The following GRK6 variants were observed in gnomAD, a reference collection of about 807,000 sequenced individuals.
GRK6 encodes G protein-coupled receptor kinase 6.
In GRK6, 37 loss-of-function variants were observed where a neutral mutation model predicts 80.8. That is an observed-to-expected ratio of 0.46 (90% CI 0.35 to 0.60). The LOEUF is 0.60. GRK6 is among the 20% of genes least tolerant of loss of function. The probability of loss-of-function intolerance (pLI) is 0.00; values close to 1 mark genes in which losing one functional copy is unlikely to be tolerated. For synonymous variants in GRK6, 295 were observed against 320.9 expected (o/e 0.92, Z 0.86); for missense variants, 560 against 784.6 (o/e 0.71, Z 3.42).
chr5:177,431,923 G>A, intron 2 of GRK6, 72 bp from the exon 3 acceptor site: 6 of 1,332,344 alleles, frequency 4.5e-6, no homozygotes, highest in Non-Finnish European at 6.5e-6. Flanking sequence ...CCCAGGGCCT[G>A]GTGGTGTGGG....
At position 177,432,090 on chromosome 5, in the gene GRK6, G is replaced by A. The variant is rs778598612; in HGVS notation, c.244G>A (p.Ala82Thr). ...ATRPELSRCV[A>T]FLDGVAEYEV... Reference sequence around the variant, plus strand: ...GAGGCCGGAGCTGAGCCGCTGCGTCGCCTTCCTGGATGGGGTGGTGAGTGC... The same window carrying A: ...GAGGCCGGAGCTGAGCCGCTGCGTCACCTTCCTGGATGGGGTGGTGAGTGC... The change falls in exon 3 of 16, where the codon GCC becomes ACC. Residue 82 changes from alanine (A) to threonine (T), a missense_variant. This residue lies in a region of GRK6 where 189 missense variants were observed against 230.2 expected (regional missense o/e 0.82). Transcript: ENST00000355472. 6 of 1,611,052 alleles carry A rather than the reference G, an allele frequency of 3.7e-6. No individual in the cohort carries two copies. The highest frequency in any genetic ancestry group is 1.1e-5 in the South Asian group (1 of 90,834).
chr5:177,432,742 G>A lies in GRK6; in HGVS notation c.376G>A (p.Val126Met). ...CATCCCTGAGGTCCCCCGGCAGCTG[G>A]TGACGAACTGCACCCAGCGGCTGGA... ...DLIPEVPRQL[V>M]TNCTQRLEQG... The change falls in exon 5 of 16, where the codon GTG becomes ATG. Residue 126 changes from valine (V) to methionine (M), a missense_variant. Physicochemically the swap from Val to Met is conservative, Grantham distance 21. Coordinates refer to ENST00000355472, the MANE Select transcript of GRK6 (RefSeq NM_001004106.3). 2 of 1,611,970 alleles carry A rather than the reference G, an allele frequency of 1.2e-6. No homozygotes were observed. Among genetic ancestry groups the A allele is most frequent in the Non-Finnish European group, 1.7e-6 (2 of 1,179,248 alleles).
upstream of GRK6, among the ~76,000 whole-genome samples, chr5:177,426,216 A>G (rs576714165): frequency 6.6e-6 from 1 of 152,292 alleles, no homozygotes; most frequent in East Asian, 1.9e-4. Flanking sequence ...CAGGATACGG[A>G]GCGCGTCCCC....
At position 177,442,563 on chromosome 5, in the gene GRK6, C is replaced by T. The variant is rs1757844481; in HGVS notation, c.*773C>T. Reference sequence around the variant, plus strand: ...GCCCCTAGGAGGGGGTGGGGCATCCCTGGTCAACCCTCAAACATTCCGGAC... The same window carrying T: ...GCCCCTAGGAGGGGGTGGGGCATCCTTGGTCAACCCTCAAACATTCCGGAC... On this transcript the variant is annotated 3_prime_UTR_variant, in exon 16 of 16. Coordinates refer to ENST00000355472, the MANE Select transcript of GRK6 (RefSeq NM_001004106.3). 6.5e-6 allele frequency: 1 copy of T among 152,800 alleles called. No individual in the cohort carries two copies. Among genetic ancestry groups the T allele is most frequent in the African/African-American group, 2.4e-5 (1 of 41,472 alleles). The allele number at this position is 152,800 out of a possible 1,614,324, so 9.5% of individuals were successfully genotyped here.
rs753359145 is a variant in GRK6, at chr5:177,441,865, A to T, written c.*75A>T. The T allele has an allele frequency of 7.6e-7, 1 of 1,323,666 alleles. No homozygotes were observed. The highest frequency in any genetic ancestry group is 1.1e-6 in the Non-Finnish European group (1 of 922,636). The allele number at this position is 1,323,666 out of a possible 1,614,324, so 82.0% of individuals were successfully genotyped here. On this transcript the variant is annotated 3_prime_UTR_variant, in exon 16 of 16. Transcript: ENST00000355472. ...GCGCCGTTTACAGTTTTGCACAGTG[A>T]TCTTCCCCATTGTCCACTCAAGTCG...
At chr5:177,430,433 G>C (rs546800773) in intron 1 of GRK6, among the ~76,000 whole-genome samples, 4 of 152,206 alleles carry the variant, frequency 2.6e-5, no homozygotes, top group Non-Finnish European at 5.9e-5. Context: ...TGGTGATAGA[G>C]GCCTGGGAGC....
intron 8 of GRK6, 45 bp downstream of exon 8, chr5:177,433,721 G>T (rs373614602): frequency 6.2e-7 from 1 of 1,604,502 alleles, no homozygotes; most frequent in Non-Finnish European, 8.5e-7. Context: ...CCACACTGGC[G>T]CACCGACCGT....
intron 13 of GRK6, among the ~76,000 whole-genome samples, chr5:177,440,255 G>A (rs1318238193): frequency 2.6e-5 from 4 of 152,206 alleles, no homozygotes; most frequent in Non-Finnish European, 5.9e-5. Context: ...GTGGGAGACC[G>A]TGCCAGTCCT....
Position 177,432,224 on chromosome 5 carries a change from AC to A in GRK6, c.262-6del, listed in dbSNP as rs757659978. ...CAGACCTCCAGCTTCTTTGCTTTCCACCCTGCAGGCCGAGTATGAAGTGACC... is the reference window on the plus strand; with the variant it reads ...CAGACCTCCAGCTTCTTTGCTTTCCACCTGCAGGCCGAGTATGAAGTGACC... On this transcript the variant is annotated splice_region_variant and splice_polypyrimidine_tract_variant and intron_variant, in intron 3 of 15. Transcript: ENST00000355472. 24 of 1,613,474 alleles carry A rather than the reference AC, an allele frequency of 1.5e-5. No homozygotes were observed. Among genetic ancestry groups the A allele is most frequent in the Non-Finnish European group, 2.0e-5 (24 of 1,179,914 alleles).
intron 9 of GRK6, among the ~76,000 whole-genome samples, chr5:177,434,316 ACTTTGTCACCCCTC>A (rs918288600): frequency 6.6e-6 from 1 of 152,022 alleles, no homozygotes; most frequent in African/African-American, 2.4e-5. Flanking sequence ...GGGTATCCTG[ACTTTGTCACCCCTC>A]CACCCCCCAC....
intron 13 of GRK6, among the ~76,000 whole-genome samples, chr5:177,439,108 GT>G (rs1764325072): frequency 6.6e-6 from 1 of 152,228 alleles, no homozygotes; most frequent in African/African-American, 2.4e-5. Context: ...TCCATTCAAA[GT>G]CGGAGATAAA....
intron 13 of GRK6, chr5:177,436,733 C>T (rs1764177251): frequency 3.4e-6 from 2 of 582,728 alleles, no homozygotes; most frequent in Non-Finnish European, 6.0e-6. Context: ...GGGCTTGGAG[C>T]CTCTGACAAT....
At chr5:177,434,988 C>T (rs920292266) in intron 10 of GRK6, 44 bp from the exon 11 acceptor site, 26 of 1,612,910 alleles carry the variant, frequency 1.6e-5, no homozygotes, top group East Asian at 2.2e-5. Context: ...GATGCAGAGG[C>T]CTGGCCTGTT....
intron 9 of GRK6, among the ~76,000 whole-genome samples, 165 bp from the exon 10 acceptor site, chr5:177,434,737 G>GGGCTGTTGCCAGGGAGAGCAGGGCT (rs1764065070): frequency 6.6e-6 from 1 of 152,222 alleles, no homozygotes; most frequent in Non-Finnish European, 1.5e-5. Context: ...CCTTGAGTCC[G>GGGCTGTTGCCAGGGAGAGCAGGGCT]GGCTGTTGCC....
Position 177,436,153 on chromosome 5 carries a change from G to A in GRK6, c.1138G>A (p.Ala380Thr), listed in dbSNP as rs202175190. ...ALGCLLYEMI[A>T]GQSPFQQRKK... The stretch of plus-strand genomic sequence containing the variant: ...CGGCTGCCTCCTGTACGAGATGATC[G>A]CAGGCCAGTCGCCCTTCCAGCAGAG... Residue 380 changes from alanine (A) to threonine (T), a missense_variant, in exon 12 of 16, where the codon GCA becomes ACA. Coordinates refer to ENST00000355472, the MANE Select transcript of GRK6 (RefSeq NM_001004106.3). 178 of 1,614,150 alleles carry A rather than the reference G, an allele frequency of 1.1e-4. No individual in the cohort carries two copies. The highest frequency in any genetic ancestry group is 5.0e-5 in the Admixed American group (3 of 60,016).
chr5:177,440,565 A>C lies in GRK6; in HGVS notation c.1405-135A>C, dbSNP rs1031477658. ...GCCCCACTTAGGAAGTGCGTGGGGC[A>C]CCTGGTTTCTCCAAATCAGAGAGCT... On this transcript the variant is annotated intron_variant, in intron 13 of 15. Coordinates refer to ENST00000355472, the MANE Select transcript of GRK6 (RefSeq NM_001004106.3). 3 of 1,029,106 alleles carry C rather than the reference A, an allele frequency of 2.9e-6. No individual in the cohort carries two copies. The African/African-American group carries it at 4.8e-5, about 16-fold the overall frequency. 63.7% of individuals were successfully genotyped at this position (1,029,106 alleles called of 1,614,324 possible).
Position 177,432,560 on chromosome 5 carries a change from G to A in GRK6, c.340-146G>A, listed in dbSNP as rs1763955546. 1.8e-5 allele frequency: 13 copies of A among 713,168 alleles called. No homozygotes were observed. The South Asian group carries it at 2.4e-4, about 13-fold the overall frequency. 44.2% of individuals were successfully genotyped at this position (713,168 alleles called of 1,614,324 possible). A position where few individuals can be genotyped will look rare whatever the true frequency, so the allele number is the denominator to read the frequency against. On this transcript the variant is annotated intron_variant, in intron 4 of 15. Coordinates refer to ENST00000355472, the MANE Select transcript of GRK6 (RefSeq NM_001004106.3). ...GCTCTGCCTCATGGGTGGGCAGCAG[G>A]AAGGACTTCAGCAACCAGGCTGGCT...
chr5:177,432,571 GCAA>G (rs1763956254), intron 4 of GRK6, 132 bp from the exon 5 acceptor site: 9 of 737,608 alleles, frequency 1.2e-5, no homozygotes, highest in Non-Finnish European at 2.0e-5. Context: ...AAGGACTTCA[GCAA>G]CCAGGCTGGC....
intron 6 of GRK6, 51 bp from the exon 7 acceptor site, chr5:177,433,296 C>T: frequency 4.3e-6 from 7 of 1,613,456 alleles, no homozygotes; most frequent in East Asian, 2.2e-5. Context: ...TCTTCATAGG[C>T]CTTGGGCTCT....
Sources: gnomAD v4.1 joint callset for allele counts (sites outside exome capture counted in the v4.1 genomes callset) on GRCh38, gnomAD v4.1.1 for gene constraint, gnomAD v4.1.1 regional missense constraint, MANE v1.5 for transcripts, NCBI Gene and HGNC (gene_info 2026-07-23, HGNC 2026-07-21) for gene names.